The following EPS15L1 variants were observed in gnomAD, a reference collection of about 807,000 sequenced individuals.
EPS15L1 encodes the protein epidermal growth factor receptor pathway substrate 15 like 1.
EPS15L1 carries 43 observed loss-of-function variants against 117.1 expected under a neutral mutation model. That is an observed-to-expected ratio of 0.37 (90% CI 0.29 to 0.47). The LOEUF (loss-of-function observed/expected upper bound fraction) is 0.47, where lower values mean the gene tolerates loss of function less well. EPS15L1 is among the 20% of genes least tolerant of loss of function. The pLI is 0.99. For synonymous variants in EPS15L1, 459 were observed against 470.5 expected, an observed-to-expected ratio of 0.98 and a Z score of 0.32; for missense variants, 981 against 1,164.0, an observed-to-expected ratio of 0.84 and a Z score of 2.29.
chr19:16,439,622 T>C (rs144682246), intron 4 of EPS15L1, among the ~76,000 whole-genome samples: 1,628 of 151,964 alleles, frequency 0.011, 17 homozygotes, highest in Middle Eastern at 0.02. Flanking sequence ...ACCCAGAAGA[T>C]CGAGGCTGCA....
intron 19 of EPS15L1, among the ~76,000 whole-genome samples, chr19:16,390,555 C>T (rs2092465164): frequency 6.6e-6 from 1 of 152,182 alleles, no homozygotes; most frequent in African/African-American, 2.4e-5. Flanking sequence ...ACACATTCTT[C>T]TCAAGTGTAC....
At chr19:16,437,097 A>G in intron 5 of EPS15L1, 98 bp from the exon 6 acceptor site, 2 of 1,048,398 alleles carry the variant, frequency 1.9e-6, no homozygotes, top group Non-Finnish European at 2.9e-6. Context: ...AGTGCTTTCA[A>G]AAAAGGGAAG....
chr19:16,377,127 G>T lies in EPS15L1; in HGVS notation c.2375C>A (p.Pro792His), dbSNP rs372694523. The T allele has an allele frequency of 1.2e-6, 2 of 1,600,346 alleles. No homozygotes were observed. Among genetic ancestry groups the T allele is most frequent in the South Asian group, 1.1e-5 (1 of 89,350 alleles). ...KKPAPPRPKP[P>H]SGKSTPVSQL... ...AGAGAAGAAAGCTTACTGACCGCTG[G>T]GCGGTTTAGGCCGTGGAGGAGCAGG... is the stretch of plus-strand genomic sequence containing the variant. Residue 792 changes from proline (P) to histidine (H), a missense_variant, in exon 22 of 24, where the codon CCC (proline) becomes CAC (histidine). Pro to His is a moderately conservative substitution (Grantham distance 77). This residue lies in a region of EPS15L1 where 819 missense variants were observed against 949.0 expected (regional missense o/e 0.86). Transcript: ENST00000455140.
chr19:16,425,055 G>A (rs2092855900), intron 9 of EPS15L1, 28 bp downstream of exon 9: 2 of 1,556,094 alleles, frequency 1.3e-6, no homozygotes, highest in South Asian at 2.2e-5. Flanking sequence ...GCTCTGAGAG[G>A]GGGCTGTGCC....
intron 1 of EPS15L1, among the ~76,000 whole-genome samples, chr19:16,453,334 G>T (rs1401202126): frequency 6.6e-6 from 1 of 151,954 alleles, no homozygotes; most frequent in Non-Finnish European, 1.5e-5. Context: ...CTAACTCCTG[G>T]GTTCAAAAGA....
chr19:16,403,949 A>C lies in EPS15L1; in HGVS notation c.1429-19T>G. ...ATGAGATCTGAAATGAGATGTTAAA[A>C]GATGTTAAAGAGATTCACAGTGCAG... On this transcript the variant is annotated intron_variant, in intron 14 of 23. Transcript: ENST00000455140. 6.2e-7 allele frequency: 1 copy of C among 1,603,838 alleles called. No homozygotes were observed. Among genetic ancestry groups the C allele is most frequent in the African/African-American group, 1.3e-5 (1 of 74,856 alleles).
intron 1 of EPS15L1, among the ~76,000 whole-genome samples, chr19:16,464,896 A>G (rs1026917935): frequency 2.0e-5 from 3 of 152,190 alleles, no homozygotes; most frequent in Middle Eastern, 3.4e-3. Flanking sequence ...CTGCCTAACC[A>G]GTGAAACCCC....
At chr19:16,411,087 A>G (rs1440430673) in intron 13 of EPS15L1, among the ~76,000 whole-genome samples, 1 of 152,136 alleles carries the variant, frequency 6.6e-6, no homozygotes, top group Admixed American at 6.5e-5. Flanking sequence ...AAATGTCCGG[A>G]ACTCCAGGTA....
intron 20 of EPS15L1, 56 bp downstream of exon 20, chr19:16,386,115 G>A: frequency 3.0e-6 from 4 of 1,336,770 alleles, no homozygotes; most frequent in Non-Finnish European, 3.2e-6. Flanking sequence ...AACTGCGGGG[G>A]AGCTCTGCTA....
intron 4 of EPS15L1, among the ~76,000 whole-genome samples, chr19:16,439,620 G>A (rs1052447833): frequency 6.6e-6 from 1 of 152,166 alleles, no homozygotes; most frequent in African/African-American, 2.4e-5. Flanking sequence ...GAACCCAGAA[G>A]ATCGAGGCTG....
Position 16,434,356 on chromosome 19 carries a change from C to T in EPS15L1, c.498+9G>A. ...GAGTGCAGAAGAACCAAGCCCGTGG[C>T]CCACTTACCCTGCCCAGGACATCAA... On this transcript the variant is annotated intron_variant, in intron 7 of 23. Transcript: ENST00000455140. The T allele has an allele frequency of 6.2e-7, 1 of 1,612,776 alleles. No homozygotes were observed. Among genetic ancestry groups the T allele is most frequent in the Non-Finnish European group, 8.5e-7 (1 of 1,179,490 alleles).
chr19:16,456,234 G>T (rs2093194886), intron 1 of EPS15L1, among the ~76,000 whole-genome samples: 1 of 152,026 alleles, frequency 6.6e-6, no homozygotes, highest in Middle Eastern at 3.4e-3. Flanking sequence ...CTGAAAAAGG[G>T]TCCACCCTTG....
chr19:16,409,627 T>C (rs949936556), intron 13 of EPS15L1, among the ~76,000 whole-genome samples: 2 of 152,092 alleles, frequency 1.3e-5, no homozygotes, highest in Admixed American at 6.5e-5. Flanking sequence ...TACCTAGAAA[T>C]GATAAAGAAT....
chr19:16,428,483 G>A (rs2092896797), intron 8 of EPS15L1, among the ~76,000 whole-genome samples: 1 of 104,838 alleles, frequency 9.5e-6, no homozygotes, highest in South Asian at 3.6e-4. Flanking sequence ...GAGGGAGAGA[G>A]GGAGGGAGGG....
chr19:16,377,065 G>T (rs565625084), intron 22 of EPS15L1, 57 bp downstream of exon 22: 103 of 1,540,400 alleles, frequency 6.7e-5, no homozygotes, highest in Non-Finnish European at 8.3e-5. Context: ...GGAGGCCCTG[G>T]TCCCCCGCCA....
intron 1 of EPS15L1, among the ~76,000 whole-genome samples, chr19:16,450,600 C>T (rs945659287): frequency 6.6e-6 from 1 of 151,294 alleles, no homozygotes; most frequent in Non-Finnish European, 1.5e-5. Flanking sequence ...CCTGCCTCAG[C>T]CTCCCAAGTA....
At chr19:16,458,133 G>A (rs951724025) in intron 1 of EPS15L1, among the ~76,000 whole-genome samples, 8 of 152,130 alleles carry the variant, frequency 5.3e-5, no homozygotes, top group African/African-American at 1.2e-4. Context: ...TGACAGTGGG[G>A]GGTGGCTCCC....
intron 1 of EPS15L1, among the ~76,000 whole-genome samples, chr19:16,454,267 C>T (rs1268161206): frequency 6.6e-6 from 1 of 152,182 alleles, no homozygotes; most frequent in Non-Finnish European, 1.5e-5. Context: ...AGAATGTTTA[C>T]AAATGGGGTC....
rs1018296159 is a variant in EPS15L1, at chr19:16,471,922, G to A, written c.24C>T (p.Leu8=). The A allele has an allele frequency of 1.1e-5, 14 of 1,298,908 alleles. No individual in the cohort carries two copies. The highest frequency in any genetic ancestry group is 1.4e-5 in the Non-Finnish European group (14 of 1,025,348). The allele number at this position is 1,298,908 out of a possible 1,614,324, so 80.5% of individuals were successfully genotyped here. ...CCCGCCCGGCCCGTACCTGCTGGGA[G>A]AGGGGGATGAGCGGCGCCGCCATCT... MAAPLIP[L]SQQIPTGNSL... The change falls in exon 1 of 24, where the codon CTC becomes CTT. Residue 8 remains leucine (L), a synonymous_variant. Transcript: ENST00000455140. This position sits in a 1 kb window ranked among gnomAD's most constrained non-coding sequence, Gnocchi z 4.8.
Sources: allele counts gnomAD v4.1 joint callset (sites outside exome capture counted in the v4.1 genomes callset), GRCh38; gene constraint gnomAD v4.1.1; regional missense constraint gnomAD v4.1.1; non-coding constraint Gnocchi (gnomAD v3.1); transcripts MANE v1.5; gene names NCBI Gene and HGNC (gene_info 2026-07-23, HGNC 2026-07-21).